The following KLHL1 variants were observed in gnomAD, a reference collection of about 807,000 sequenced individuals.
The protein encoded by KLHL1 is kelch like family member 1, also known as kelch-like protein 1.
KLHL1 carries 47 observed loss-of-function variants against 77.7 expected under a neutral mutation model. The ratio of observed to expected loss-of-function variants is 0.60; its 90% CI spans 0.48 to 0.77. The LOEUF (loss-of-function observed/expected upper bound fraction) is 0.77, where lower values mean the gene tolerates loss of function less well. Among genes scored for constraint, KLHL1 ranks in the 30% least tolerant of loss-of-function variants. The pLI is 0.00. For synonymous variants in KLHL1, 360 were observed against 325.2 expected, an observed-to-expected ratio of 1.11 and a Z score of -1.15; for missense variants, 925 against 910.8, an observed-to-expected ratio of 1.02 and a Z score of -0.20.
intron 9 of KLHL1, 36 bp downstream of exon 9, chr13:69,719,331 CTG>C: frequency 6.4e-7 from 1 of 1,571,190 alleles, no homozygotes; most frequent in Non-Finnish European, 8.7e-7. Context: ...GTGATTTGCA[CTG>C]TCTCTTTCGC....
rs371270216 is a variant in KLHL1, at chr13:69,796,833, T to A, written c.1544A>T (p.Asp515Val). ...AACAGTGTTCAATGTCTTTAAGCCA[T>A]CTCGACCTCCAATTACAAAGAGTTT... ...DDKLFVIGGRDGLKTLNTVEC... is the reference protein window; with the variant it reads ...DDKLFVIGGRVGLKTLNTVEC... Residue 515 changes from aspartate to valine, a missense_variant, in exon 7 of 11, where the codon GAT becomes GTT. Transcript: ENST00000377844. 21 of 1,614,056 alleles carry A rather than the reference T, an allele frequency of 1.3e-5. No individual in the cohort carries two copies. Among genetic ancestry groups the A allele is most frequent in the Non-Finnish European group, 1.6e-5 (19 of 1,180,034 alleles).
intron 6 of KLHL1, among the ~76,000 whole-genome samples, chr13:69,814,589 T>C (rs1163401752): frequency 6.6e-6 from 1 of 152,070 alleles, no homozygotes; most frequent in Non-Finnish European, 1.5e-5. Context: ...CATGAACAGA[T>C]ACATCTCAAT....
At chr13:69,968,960 T>C (rs1246562412) in intron 2 of KLHL1, among the ~76,000 whole-genome samples, 2 of 152,104 alleles carry the variant, frequency 1.3e-5, no homozygotes, top group Non-Finnish European at 2.9e-5. Flanking sequence ...AAAACAACAG[T>C]AAAATTTGAA....
At chr13:69,930,190 A>G (rs1882954442) in intron 4 of KLHL1, among the ~76,000 whole-genome samples, 1 of 151,876 alleles carries the variant, frequency 6.6e-6, no homozygotes, top group Admixed American at 6.6e-5. Context: ...TTCTGCCTTC[A>G]TGAGATAAAT....
At chr13:70,007,053 G>A (rs996220852) in intron 1 of KLHL1, among the ~76,000 whole-genome samples, 2 of 151,796 alleles carry the variant, frequency 1.3e-5, no homozygotes, top group African/African-American at 4.8e-5. Flanking sequence ...GAAAACAACC[G>A]GATTGAAATT....
chr13:70,023,061 C>G (rs143846901), intron 1 of KLHL1, among the ~76,000 whole-genome samples: 164 of 152,050 alleles, frequency 1.1e-3, no homozygotes, highest in African/African-American at 3.5e-3. Flanking sequence ...TTTTCAGTCA[C>G]ACAGACCTTT....
chr13:70,089,837 A>G (rs1218738726), intron 1 of KLHL1, among the ~76,000 whole-genome samples: 2 of 152,132 alleles, frequency 1.3e-5, no homozygotes, highest in Admixed American at 1.3e-4. Flanking sequence ...TCTACTTCCT[A>G]CTTATAGCTA....
At chr13:70,020,801 A>ATATATGTATG (rs1885769801) in intron 1 of KLHL1, among the ~76,000 whole-genome samples, 1 of 151,934 alleles carries the variant, frequency 6.6e-6, no homozygotes, top group Non-Finnish European at 1.5e-5. Context: ...ATATATGTAT[A>ATATATGTATG]TGCATACATA....
chr13:70,074,373 A>G (rs949714653), intron 1 of KLHL1, among the ~76,000 whole-genome samples: 7 of 151,930 alleles, frequency 4.6e-5, no homozygotes, highest in Non-Finnish European at 1.0e-4. Flanking sequence ...TTCAGTTATG[A>G]CAGGTATGGT....
intron 3 of KLHL1, among the ~76,000 whole-genome samples, chr13:69,949,286 T>C (rs1593978713): frequency 6.6e-6 from 1 of 151,898 alleles, no homozygotes; most frequent in East Asian, 1.9e-4. Flanking sequence ...TTCTGTCTCT[T>C]TAGGCAACTC....
chr13:70,005,687 G>C (rs1371133634), intron 1 of KLHL1, among the ~76,000 whole-genome samples: 10 of 151,696 alleles, frequency 6.6e-5, no homozygotes, highest in African/African-American at 2.4e-4. Flanking sequence ...ATTTCGCTTT[G>C]ATTAAAATAT....
intron 9 of KLHL1, among the ~76,000 whole-genome samples, chr13:69,711,195 T>G (rs144178720): frequency 6.6e-6 from 1 of 152,232 alleles, no homozygotes; most frequent in East Asian, 1.9e-4. Context: ...CAAATAGAAT[T>G]GAGAATGTTT....
intron 1 of KLHL1, among the ~76,000 whole-genome samples, chr13:69,992,951 G>C (rs1043835708): frequency 6.6e-6 from 1 of 151,176 alleles, no homozygotes; most frequent in Non-Finnish European, 1.5e-5. Context: ...CTTTCTTACA[G>C]TGTCAGTAAC....
At chr13:69,881,858 A>G (rs1881004004) in intron 5 of KLHL1, among the ~76,000 whole-genome samples, 1 of 152,132 alleles carries the variant, frequency 6.6e-6, no homozygotes, top group African/African-American at 2.4e-5. Flanking sequence ...TGAAGCTTTG[A>G]AAATCACACA....
chr13:69,787,103 C>T (rs557429003), intron 7 of KLHL1, among the ~76,000 whole-genome samples: 1 of 152,260 alleles, frequency 6.6e-6, no homozygotes, highest in African/African-American at 2.4e-5. Context: ...TTTATAGATT[C>T]AATGCCATCC....
At chr13:69,872,281 TA>T (rs1880614373) in intron 5 of KLHL1, among the ~76,000 whole-genome samples, 1 of 152,108 alleles carries the variant, frequency 6.6e-6, no homozygotes, top group East Asian at 1.9e-4. Context: ...GGGATTACAG[TA>T]ATTTAATAAA....
chr13:69,961,171 T>C (rs1884051856), intron 3 of KLHL1, 137 bp downstream of exon 3: 2 of 699,840 alleles, frequency 2.9e-6, no homozygotes, highest in East Asian at 2.8e-5. Context: ...AAAAGTCTGA[T>C]TTTTGATCTA....
At chr13:69,825,576 TA>T (rs2138085267) in intron 6 of KLHL1, among the ~76,000 whole-genome samples, 1 of 152,338 alleles carries the variant, frequency 6.6e-6, no homozygotes, top group African/African-American at 2.4e-5. Context: ...AAAGTCATGA[TA>T]AATTAATTTT....
chr13:69,884,783 T>C (rs957385692), intron 4 of KLHL1, among the ~76,000 whole-genome samples: 6 of 152,174 alleles, frequency 3.9e-5, no homozygotes, highest in African/African-American at 1.2e-4. Flanking sequence ...AATTATGAAA[T>C]TGATCAGATT....
Sources: allele counts gnomAD v4.1 joint callset (sites outside exome capture counted in the v4.1 genomes callset), GRCh38; gene constraint gnomAD v4.1.1; transcripts MANE v1.5; gene names NCBI Gene and HGNC (gene_info 2026-07-23, HGNC 2026-07-21).